ALDH1L1: variants seen among roughly 807,000 people sequenced by gnomAD.
The protein encoded by ALDH1L1 is cytosolic 10-formyltetrahydrofolate dehydrogenase.
Under a neutral mutation model 101.1 loss-of-function variants are expected in ALDH1L1, and 68 were observed. The ratio of observed to expected loss-of-function variants is 0.67; its 90% CI spans 0.55 to 0.82. ALDH1L1 has a LOEUF of 0.82. Ranked by LOEUF, ALDH1L1 falls within the 40% of genes least tolerant of loss-of-function variation. The pLI is 0.00. For missense variants in ALDH1L1, 1,087 were observed against 1,172.7 expected, an observed-to-expected ratio of 0.93 and a Z score of 1.07; for synonymous variants, 486 against 470.8, an observed-to-expected ratio of 1.03 and a Z score of -0.42.
chr3:126,157,560 A>T, intron 3 of ALDH1L1, 52 bp from the exon 4 acceptor site: 1 of 1,589,596 alleles, frequency 6.3e-7, no homozygotes, highest in South Asian at 1.2e-5. Flanking sequence ...GCCACGGAGG[A>T]TGTCCTGGGT....
chr3:126,158,577 G>A lies in ALDH1L1; in HGVS notation c.190C>T (p.Gln64Ter), dbSNP rs757840492. ...FKYSRWRAKG[Q>*]ALPDVVAKYQ... ...TTTGCCACCACATCAGGCAAAGCCT[G>A]TCCTTTTGCACGCCACCGGGAGTAC... is the stretch of plus-strand genomic sequence containing the variant. The change falls in exon 3 of 23, where the codon CAG (glutamine) becomes TAG (stop). Residue 64 changes from glutamine (Q) to a stop codon, truncating the protein, a stop_gained. Transcript: ENST00000393434. LOFTEE classifies it high-confidence loss of function. 3 of 1,614,208 alleles carry A rather than the reference G, an allele frequency of 1.9e-6. No homozygotes were observed. The highest frequency in any genetic ancestry group is 2.2e-5 in the East Asian group (1 of 44,882).
At chr3:126,122,010 A>C (rs2080089336) in intron 16 of ALDH1L1, among the ~76,000 whole-genome samples, 1 of 152,242 alleles carries the variant, frequency 6.6e-6, no homozygotes. Flanking sequence ...AAGACAGTAC[A>C]TGACTGTATT....
At chr3:126,113,505 G>A (rs922123792) in intron 18 of ALDH1L1, among the ~76,000 whole-genome samples, 2 of 152,170 alleles carry the variant, frequency 1.3e-5, no homozygotes, top group Admixed American at 1.3e-4. Flanking sequence ...GGAGAGCCAT[G>A]GTCAAGCCTG....
At chr3:126,158,262 G>A in intron 3 of ALDH1L1, 143 bp downstream of exon 3, 1 of 745,956 alleles carries the variant, frequency 1.3e-6, no homozygotes, top group South Asian at 1.9e-5. Flanking sequence ...TTCTGTGGCT[G>A]ACATCTGGCA....
chr3:126,190,441 A>G (rs2081545463), intron 1 of ALDH1L1, among the ~76,000 whole-genome samples: 1 of 152,230 alleles, frequency 6.6e-6, no homozygotes, highest in African/African-American at 2.4e-5. Context: ...TCAAGGACTC[A>G]GAGAGGACCA....
At position 126,107,264 on chromosome 3, in the gene ALDH1L1, G is replaced by T. The variant is rs752731733; in HGVS notation, c.2348-18C>A. 3.7e-6 allele frequency: 6 copies of T among 1,603,468 alleles called. No individual in the cohort carries two copies. The highest frequency in any genetic ancestry group is 5.1e-6 in the Non-Finnish European group (6 of 1,171,492). ...GAAGAACCCTGCAAGAGAGATAAAA[G>T]CCCGTTGCACATGGGAGACACGGTG... On this transcript the variant is annotated intron_variant, in intron 20 of 22. Coordinates refer to ENST00000393434, the MANE Select transcript of ALDH1L1 (RefSeq NM_012190.4).
At chr3:126,112,927 A>G (rs766102876) in intron 18 of ALDH1L1, 47 bp from the exon 19 acceptor site, 58 of 1,579,050 alleles carry the variant, frequency 3.7e-5, no homozygotes, top group Non-Finnish European at 4.5e-5. Context: ...CTCCTGGGAC[A>G]CCAGCCCCCG....
intron 1 of ALDH1L1, among the ~76,000 whole-genome samples, chr3:126,165,701 T>C (rs2108313867): frequency 6.6e-6 from 1 of 152,324 alleles, no homozygotes; most frequent in East Asian, 1.9e-4. Context: ...ATTTTCTCAT[T>C]TGTGTGCATA....
At chr3:126,179,934 C>CTCCA (rs1310048455) in intron 1 of ALDH1L1, 5 of 152,230 alleles carry the variant, frequency 3.3e-5, no homozygotes, top group African/African-American at 1.2e-4. Context: ...GGAGCTGGGA[C>CTCCA]TCCAGCGCAG....
At chr3:126,137,792 C>T in intron 10 of ALDH1L1, 21 bp downstream of exon 10, 1 of 1,610,488 alleles carries the variant, frequency 6.2e-7, no homozygotes, top group South Asian at 1.1e-5. Context: ...GGGCCTGCTG[C>T]AGGGAGGGCC....
At chr3:126,124,865 A>G (rs975902608) in intron 15 of ALDH1L1, among the ~76,000 whole-genome samples, 3 of 152,260 alleles carry the variant, frequency 2.0e-5, no homozygotes, top group African/African-American at 4.8e-5. Context: ...TGCCTGACTC[A>G]GGGTAAATAC....
chr3:126,110,583 G>A (rs543308134), intron 19 of ALDH1L1, among the ~76,000 whole-genome samples: 30 of 152,150 alleles, frequency 2.0e-4, no homozygotes, highest in African/African-American at 7.2e-4. Flanking sequence ...AAGGGGAGGG[G>A]CCCAAGGCTC....
At chr3:126,137,773 G>A (rs1304047462) in intron 10 of ALDH1L1, 40 bp downstream of exon 10, 3 of 1,600,418 alleles carry the variant, frequency 1.9e-6, no homozygotes, top group Non-Finnish European at 1.7e-6. Flanking sequence ...GCTGCCTGAG[G>A]GCTCTGCAGG....
chr3:126,105,497 G>A, intron 22 of ALDH1L1: 1 of 575,074 alleles, frequency 1.7e-6, no homozygotes, highest in Non-Finnish European at 3.2e-6. Flanking sequence ...TGGCTGGAGT[G>A]TCTCCTCCAG....
intron 1 of ALDH1L1, among the ~76,000 whole-genome samples, chr3:126,172,817 A>G (rs2081305060): frequency 6.7e-6 from 1 of 149,464 alleles, no homozygotes; most frequent in African/African-American, 2.4e-5. Context: ...AAAAAATAAA[A>G]GACACAGAGA....
chr3:126,118,121 A>C (rs766266544), intron 16 of ALDH1L1, 23 bp from the exon 17 acceptor site: 1 of 1,590,640 alleles, frequency 6.3e-7, no homozygotes, highest in Admixed American at 1.7e-5. Flanking sequence ...GGGAGGGGGG[A>C]ATCAGAGTGG....
intron 9 of ALDH1L1, among the ~76,000 whole-genome samples, chr3:126,145,348 T>G (rs561921325): frequency 2.6e-5 from 4 of 152,324 alleles, no homozygotes; most frequent in African/African-American, 9.6e-5. Flanking sequence ...CCCAGTAATC[T>G]CACTGCTGGG....
chr3:126,188,654 C>T (rs536003999), intron 1 of ALDH1L1, among the ~76,000 whole-genome samples: 7 of 152,282 alleles, frequency 4.6e-5, no homozygotes, highest in South Asian at 2.1e-4. Flanking sequence ...TCAGTCTCAA[C>T]GTGTCATTTA....
At chr3:126,114,339 A>C (rs1234865524) in intron 18 of ALDH1L1, among the ~76,000 whole-genome samples, 1 of 152,188 alleles carries the variant, frequency 6.6e-6, no homozygotes, top group African/African-American at 2.4e-5. Context: ...GATCTCAGCT[A>C]TCCTGGCAGC....
Sources: allele counts gnomAD v4.1 joint callset (sites outside exome capture counted in the v4.1 genomes callset), GRCh38; gene constraint gnomAD v4.1.1; transcripts MANE v1.5; gene names NCBI Gene and HGNC (gene_info 2026-07-23, HGNC 2026-07-21).